ADORA2B: variants seen among roughly 807,000 people sequenced by gnomAD.
The protein encoded by ADORA2B is adenosine receptor A2b.
In ADORA2B, 18 loss-of-function variants were observed where a neutral mutation model predicts 20.8. The ratio of observed to expected loss-of-function variants is 0.87; its 90% CI spans 0.60 to 1.29. ADORA2B has a LOEUF of 1.29. Ranked by LOEUF, ADORA2B falls within the 50% of genes most tolerant of loss-of-function variation. The probability of loss-of-function intolerance (pLI) is 0.00; values close to 1 mark genes in which losing one functional copy is unlikely to be tolerated. For missense variants in ADORA2B, 441 were observed against 422.7 expected (o/e 1.04, Z -0.38); for synonymous variants, 179 against 178.3 (o/e 1.00, Z -0.03).
intron 1 of ADORA2B, among the ~76,000 whole-genome samples, chr17:15,963,356 G>A (rs772932839): frequency 7.9e-5 from 12 of 152,272 alleles, no homozygotes; most frequent in Non-Finnish European, 1.8e-4. Flanking sequence ...TTATGATGGA[G>A]AAACCTGGCA....
At chr17:15,868,343 G>T in the ADORA2B span, among the ~76,000 whole-genome samples, 1 of 134,276 alleles carries the variant, frequency 7.4e-6, no homozygotes, top group African/African-American at 2.8e-5. Context: ...ATCCCCCTCT[G>T]CGAGAAACAC....
At chr17:15,856,090 T>C in the ADORA2B span, among the ~76,000 whole-genome samples, 1 of 152,078 alleles carries the variant, frequency 6.6e-6, no homozygotes, top group South Asian at 2.1e-4. Flanking sequence ...ATAATCCCCA[T>C]GTGTCTAGGG....
chr17:15,962,677 G>A (rs1970055604), intron 1 of ADORA2B, among the ~76,000 whole-genome samples: 2 of 152,022 alleles, frequency 1.3e-5, no homozygotes, highest in African/African-American at 2.4e-5. Context: ...GATTACAGGC[G>A]CCTTGCCACC....
At chr17:15,884,006 T>G in the ADORA2B span, among the ~76,000 whole-genome samples, 75 of 152,278 alleles carry the variant, frequency 4.9e-4, no homozygotes, top group African/African-American at 1.6e-3. Flanking sequence ...TATATCCAGT[T>G]TACGAATATG....
intron 1 of ADORA2B, among the ~76,000 whole-genome samples, chr17:15,946,865 T>C (rs1225279179): frequency 1.3e-5 from 2 of 152,226 alleles, no homozygotes; most frequent in African/African-American, 4.8e-5. Context: ...GGGAGAAAAG[T>C]GCTCTGCTGT....
intron 1 of ADORA2B, among the ~76,000 whole-genome samples, chr17:15,950,459 C>T (rs367988651): frequency 1.4e-4 from 21 of 152,310 alleles, no homozygotes; most frequent in African/African-American, 2.6e-4. Context: ...TTGCCTCCCC[C>T]CTGGCAAACT....
the ADORA2B span, among the ~76,000 whole-genome samples, chr17:15,917,473 T>G: frequency 2.0e-5 from 3 of 152,208 alleles, no homozygotes; most frequent in African/African-American, 7.2e-5. Flanking sequence ...CCGCCCATCC[T>G]GGGACCGCGC....
At chr17:15,925,583 T>C in the ADORA2B span, among the ~76,000 whole-genome samples, 16 of 152,234 alleles carry the variant, frequency 1.1e-4, no homozygotes, top group African/African-American at 1.7e-4. Context: ...AGAGGTGAAG[T>C]AATAAATGTT....
At chr17:15,974,637 G>A (rs778888929) in intron 1 of ADORA2B, 42 bp from the exon 2 acceptor site, 3 of 1,541,638 alleles carry the variant, frequency 1.9e-6, no homozygotes, top group Non-Finnish European at 1.8e-6. Context: ...TGGTTGCAGA[G>A]CGCTATAAAC....
chr17:15,966,502 T>A lies in ADORA2B; in HGVS notation c.336-8177T>A, dbSNP rs574610989. Among the ~76,000 whole-genome samples the A allele has an allele frequency of 3.3e-5, 5 of 152,362 alleles. No homozygotes were observed. The East Asian group carries it at 9.7e-4, about 29-fold the overall frequency. On this transcript the variant is annotated intron_variant, in intron 1 of 1. Transcript: ENST00000304222. ...TTTGAGCTGAGGGCCACAGAGCCAG[T>A]GCAGGAGGAGACCCTGCCCCAGAAA...
chr17:15,915,850 A>G, the ADORA2B span, among the ~76,000 whole-genome samples: 1 of 152,222 alleles, frequency 6.6e-6, no homozygotes, highest in South Asian at 2.1e-4. Flanking sequence ...CAACCCAAAT[A>G]CTAATCTCTT....
intron 1 of ADORA2B, among the ~76,000 whole-genome samples, chr17:15,973,494 G>C (rs749505864): frequency 1.3e-5 from 2 of 152,154 alleles, no homozygotes; most frequent in African/African-American, 4.8e-5. Flanking sequence ...GTACTGGTCC[G>C]TGGCCTGTTA....
At chr17:15,944,313 C>T (rs774968335), upstream of ADORA2B, among the ~76,000 whole-genome samples, 1 of 152,064 alleles carries the variant, frequency 6.6e-6, no homozygotes, top group Non-Finnish European at 1.5e-5. The surrounding 1 kb of genome is among the most constrained non-coding windows in gnomAD (Gnocchi z 4.8). Context: ...CCTCAGGAGG[C>T]TGTTAGGGCT....
chr17:15,919,065 T>G, the ADORA2B span, among the ~76,000 whole-genome samples: 1 of 152,130 alleles, frequency 6.6e-6, no homozygotes, highest in Admixed American at 6.5e-5. Flanking sequence ...TGGGCAGCTG[T>G]CCAGTGCCCA....
At chr17:15,887,582 G>A in the ADORA2B span, among the ~76,000 whole-genome samples, 41 of 129,248 alleles carry the variant, frequency 3.2e-4, 7 homozygotes, top group Middle Eastern at 3.7e-3. Flanking sequence ...TGAGCATGGC[G>A]CCTGCAGCTC....
chr17:15,904,743 A>G, the ADORA2B span, among the ~76,000 whole-genome samples: 1 of 152,186 alleles, frequency 6.6e-6, no homozygotes, highest in African/African-American at 2.4e-5. Context: ...TGTAAACAAT[A>G]AAGTATCGGT....
chr17:15,854,143 C>G, the ADORA2B span, among the ~76,000 whole-genome samples: 1 of 152,052 alleles, frequency 6.6e-6, no homozygotes, highest in Non-Finnish European at 1.5e-5. Context: ...TTAGTGGAGG[C>G]GGGGTTTCTC....
the ADORA2B span, among the ~76,000 whole-genome samples, chr17:15,880,657 C>T: frequency 6.6e-6 from 1 of 151,826 alleles, no homozygotes; most frequent in Non-Finnish European, 1.5e-5. Context: ...CCAGGGTGAA[C>T]AGAGAAGGAC....
intron 1 of ADORA2B, among the ~76,000 whole-genome samples, chr17:15,959,052 G>A (rs1033648286): frequency 2.6e-5 from 4 of 152,130 alleles, no homozygotes; most frequent in Non-Finnish European, 2.9e-5. Flanking sequence ...TGAGCTTGTT[G>A]CCTAAAGATA....
Sources: gnomAD v4.1 joint callset for allele counts (sites outside exome capture counted in the v4.1 genomes callset) on GRCh38, gnomAD v4.1.1 for gene constraint, Gnocchi (gnomAD v3.1) non-coding constraint, MANE v1.5 for transcripts, NCBI Gene and HGNC (gene_info 2026-07-23, HGNC 2026-07-21) for gene names.